Variants in SPATA16 observed in about 807,000 individuals in gnomAD.
The protein encoded by SPATA16 is spermatogenesis associated 16, also known as spermatogenesis-associated protein 16.
In SPATA16, 36 loss-of-function variants were observed where a neutral mutation model predicts 63.3. The ratio of observed to expected loss-of-function variants is 0.57; its 90% confidence interval spans 0.44 to 0.75. The LOEUF is 0.75. Among genes scored for constraint, SPATA16 ranks in the 30% least tolerant of loss-of-function variants. The probability of loss-of-function intolerance (pLI) is 0.00; values close to 1 mark genes in which losing one functional copy is unlikely to be tolerated. For synonymous variants in SPATA16, 203 were observed against 216.7 expected (o/e 0.94, Z 0.56); for missense variants, 646 against 679.3 (o/e 0.95, Z 0.54).
chr3:173,064,084 T>C (rs1266998068), intron 2 of SPATA16, among the ~76,000 whole-genome samples: 1 of 152,072 alleles, frequency 6.6e-6, no homozygotes, highest in African/African-American at 2.4e-5. Context: ...GGCAGGCAGA[T>C]CACCTGAGGT....
intron 6 of SPATA16, among the ~76,000 whole-genome samples, chr3:172,930,553 C>CTTTTTTTTTTTT (rs34780432): frequency 1.1e-5 from 1 of 87,366 alleles, no homozygotes; most frequent in Non-Finnish European, 2.1e-5. Context: ...CATTCAAACT[C>CTTTTTTTTTTTT]TTTTTTTTTT....
At chr3:173,050,608 AATATTTAG>A (rs1472393672) in intron 2 of SPATA16, among the ~76,000 whole-genome samples, 1 of 151,896 alleles carries the variant, frequency 6.6e-6, no homozygotes, top group African/African-American at 2.4e-5. Flanking sequence ...AATTATAATA[AATATTTAG>A]ATATTTAAGC....
intron 6 of SPATA16, among the ~76,000 whole-genome samples, chr3:172,930,491 C>A (rs1732844278): frequency 6.6e-6 from 1 of 151,944 alleles, no homozygotes; most frequent in South Asian, 2.1e-4. Context: ...GTGTCTAAGT[C>A]CCATCTAGCT....
At chr3:172,983,141 G>A (rs1560087694) in intron 4 of SPATA16, among the ~76,000 whole-genome samples, 1 of 152,186 alleles carries the variant, frequency 6.6e-6, no homozygotes, top group African/African-American at 2.4e-5. Context: ...GAGTTTCAGA[G>A]CCATAAATAG....
intron 5 of SPATA16, among the ~76,000 whole-genome samples, chr3:172,969,025 G>A (rs1733981785): frequency 6.6e-6 from 1 of 152,148 alleles, no homozygotes; most frequent in Admixed American, 6.5e-5. Context: ...TGAAAAATAT[G>A]AGAATTCATA....
chr3:173,103,517 G>A (rs762218943), intron 2 of SPATA16, among the ~76,000 whole-genome samples: 1 of 152,218 alleles, frequency 6.6e-6, no homozygotes, highest in Non-Finnish European at 1.5e-5. Flanking sequence ...CAAGGCTTAT[G>A]GCTCCAACCC....
chr3:172,942,918 G>A (rs1577099077), intron 6 of SPATA16, among the ~76,000 whole-genome samples: 1 of 129,286 alleles, frequency 7.7e-6, no homozygotes, highest in Admixed American at 7.0e-5. Flanking sequence ...TAAAAACTGT[G>A]TATTTAAGTA....
intron 4 of SPATA16, among the ~76,000 whole-genome samples, chr3:173,016,759 A>G (rs1735199114): frequency 6.6e-6 from 1 of 152,200 alleles, no homozygotes. Flanking sequence ...TCACATCTGC[A>G]ATCCCAGCAC....
intron 2 of SPATA16, among the ~76,000 whole-genome samples, chr3:173,114,179 C>CAAAAAA (rs34754459): frequency 1.5e-5 from 1 of 66,306 alleles, no homozygotes; most frequent in African/African-American, 5.5e-5. Flanking sequence ...GACTCCATCT[C>CAAAAAA]AAAAAAAAAA....
At chr3:172,901,257 T>C (rs1189863207) in intron 10 of SPATA16, among the ~76,000 whole-genome samples, 1 of 152,186 alleles carries the variant, frequency 6.6e-6, no homozygotes, top group African/African-American at 2.4e-5. Context: ...TGGAGTGCAA[T>C]CGCATGATCT....
chr3:172,978,136 TC>T (rs1359780882), intron 4 of SPATA16, among the ~76,000 whole-genome samples: 9 of 146,924 alleles, frequency 6.1e-5, no homozygotes, highest in Non-Finnish European at 4.5e-5. Flanking sequence ...TCTCTCTCTC[TC>T]CCTCTCTCTC....
At chr3:172,901,786 G>A (rs952866879) in intron 10 of SPATA16, among the ~76,000 whole-genome samples, 3 of 152,116 alleles carry the variant, frequency 2.0e-5, no homozygotes, top group Admixed American at 1.3e-4. Context: ...TGATACCTTC[G>A]TGGCTTGGAG....
At chr3:172,976,348 G>C (rs1015088315) in intron 5 of SPATA16, among the ~76,000 whole-genome samples, 2 of 151,990 alleles carry the variant, frequency 1.3e-5, no homozygotes, top group Non-Finnish European at 2.9e-5. Flanking sequence ...CAGCTTGTTG[G>C]GGGAGGGTAA....
intron 5 of SPATA16, among the ~76,000 whole-genome samples, chr3:172,968,464 A>G (rs957671705): frequency 3.3e-5 from 5 of 152,250 alleles, no homozygotes; most frequent in African/African-American, 1.2e-4. Context: ...AAGTGGGGAT[A>G]GCGTGAGGAG....
At chr3:173,067,783 T>C (rs1180877714) in intron 2 of SPATA16, among the ~76,000 whole-genome samples, 1 of 151,610 alleles carries the variant, frequency 6.6e-6, no homozygotes, top group Non-Finnish European at 1.5e-5. Context: ...GACAAGCAGA[T>C]CCAACAGAAA....
At chr3:172,999,228 T>C (rs1243684804) in intron 4 of SPATA16, among the ~76,000 whole-genome samples, 1 of 152,210 alleles carries the variant, frequency 6.6e-6, no homozygotes, top group Non-Finnish European at 1.5e-5. Flanking sequence ...TTAATACATA[T>C]AGGCCTATTC....
chr3:173,085,033 G>GT (rs1429861803), intron 2 of SPATA16, among the ~76,000 whole-genome samples: 4 of 152,158 alleles, frequency 2.6e-5, no homozygotes, highest in East Asian at 1.9e-4. Flanking sequence ...TTTTAAAGTA[G>GT]TTTTTTCTAA....
intron 4 of SPATA16, among the ~76,000 whole-genome samples, chr3:173,010,887 G>C (rs947460974): frequency 6.6e-6 from 1 of 151,910 alleles, no homozygotes; most frequent in Non-Finnish European, 1.5e-5. Context: ...CTGAATCCTC[G>C]AAACCCAACT....
intron 6 of SPATA16, among the ~76,000 whole-genome samples, chr3:172,941,902 C>A (rs1499622): frequency 0.098 from 14,849 of 151,826 alleles, 2,345 homozygotes; most frequent in African/African-American, 0.33. Context: ...ATTCTATGAC[C>A]TTTATCTTGC....
Sources: gnomAD v4.1 joint callset for allele counts (sites outside exome capture counted in the v4.1 genomes callset) on GRCh38, gnomAD v4.1.1 for gene constraint, MANE v1.5 for transcripts, NCBI Gene and HGNC (gene_info 2026-07-23, HGNC 2026-07-21) for gene names.